Variants in MIOS observed in about 807,000 individuals in gnomAD.
The protein encoded by MIOS is meiosis regulator for oocyte development, also known as GATOR2 complex protein MIOS.
Under a neutral mutation model 96.9 loss-of-function variants are expected in MIOS, and 52 were observed. The observed-to-expected ratio is 0.54, with a 90% CI of 0.43 to 0.68. The LOEUF is 0.68. Ranked by LOEUF, MIOS falls within the 30% of genes least tolerant of loss-of-function variation. The pLI is 0.00. For synonymous variants in MIOS, 397 were observed against 359.5 expected (o/e 1.10, Z -1.18); for missense variants, 1,005 against 1,052.8 (o/e 0.95, Z 0.63).
intron 5 of MIOS, among the ~76,000 whole-genome samples, chr7:7,579,910 C>G (rs1783657627): frequency 6.6e-6 from 1 of 152,190 alleles, no homozygotes; most frequent in African/African-American, 2.4e-5. Context: ...TACTGTTAAT[C>G]AACTCATGAC....
At position 7,606,091 on chromosome 7, in the gene MIOS, T is replaced by A; in HGVS notation, c.2531+20T>A. The A allele has an allele frequency of 6.2e-7, 1 of 1,612,694 alleles. No homozygotes were observed. The highest frequency in any genetic ancestry group is 2.2e-5 in the East Asian group (1 of 44,818). ...GTTCAGGTAATCAGCACATTTCTTCTTTGATAGGCTTGGAGTTATGGGGGA... is the reference window on the plus strand; with the variant it reads ...GTTCAGGTAATCAGCACATTTCTTCATTGATAGGCTTGGAGTTATGGGGGA... On this transcript the variant is annotated intron_variant, in intron 12 of 12. Transcript: ENST00000340080.
chr7:7,572,323 T>C lies in MIOS; in HGVS notation c.-40-113T>C. 3 of 503,708 alleles carry C rather than the reference T, an allele frequency of 6.0e-6. No homozygotes were observed. Among genetic ancestry groups the C allele is most frequent in the Non-Finnish European group, 1.0e-5 (3 of 290,092 alleles). The allele number at this position is 503,708 out of a possible 1,614,324, so 31.2% of individuals were successfully genotyped here. On this transcript the variant is annotated intron_variant, in intron 3 of 12. Coordinates refer to ENST00000340080, the MANE Select transcript of MIOS (RefSeq NM_019005.4). The surrounding 1 kb of genome is among the most constrained non-coding windows in gnomAD (Gnocchi z 4.8). Reference sequence around the variant, plus strand: ...GATAGAGAGAAGAAATACAAATATATTGAAAAAGAGGGTTCTTGAATAGAG... The same window carrying C: ...GATAGAGAGAAGAAATACAAATATACTGAAAAAGAGGGTTCTTGAATAGAG...
chr7:7,582,503 A>G (rs1332574573), intron 5 of MIOS: 2 of 280,590 alleles, frequency 7.1e-6, no homozygotes, highest in African/African-American at 2.3e-5. Flanking sequence ...AGAATGAGAA[A>G]TGAAGTTTTC....
At chr7:7,575,845 C>T (rs1281293290) in intron 5 of MIOS, among the ~76,000 whole-genome samples, 1 of 151,528 alleles carries the variant, frequency 6.6e-6, no homozygotes, top group Non-Finnish European at 1.5e-5. Context: ...GAAAGATTTC[C>T]TCATTCATCA....
intron 11 of MIOS, among the ~76,000 whole-genome samples, chr7:7,601,494 C>G (rs1784377311): frequency 6.6e-6 from 1 of 152,120 alleles, no homozygotes; most frequent in Non-Finnish European, 1.5e-5. Flanking sequence ...AATTCCTGGA[C>G]ACATACACCC....
chr7:7,594,526 G>A (rs557256736), intron 9 of MIOS, among the ~76,000 whole-genome samples: 1 of 152,130 alleles, frequency 6.6e-6, no homozygotes, highest in South Asian at 2.1e-4. Context: ...AACTCCTGAC[G>A]TCAAGTGATC....
intron 11 of MIOS, chr7:7,605,297 A>AT (rs67440097): frequency 0.62 from 90,841 of 145,816 alleles, 28,687 homozygotes; most frequent in Admixed American, 0.72. Flanking sequence ...CCCTTGATAG[A>AT]TTTTTTTTTT....
In MIOS at chr7:7,573,808, T is replaced by A; in HGVS notation, c.1294+39T>A. ...TGTGAATTTTGTGAGGTGAATCAGGTAGAAATGTTCTTGAAGTTTGCCAAA... is the reference window on the plus strand; with the variant it reads ...TGTGAATTTTGTGAGGTGAATCAGGAAGAAATGTTCTTGAAGTTTGCCAAA... On this transcript the variant is annotated intron_variant, in intron 4 of 12. Transcript: ENST00000340080. The surrounding 1 kb of genome is among the most constrained non-coding windows in gnomAD (Gnocchi z 5.0). 6.6e-7 allele frequency: 1 copy of A among 1,522,878 alleles called. No homozygotes were observed. The highest frequency in any genetic ancestry group is 8.8e-7 in the Non-Finnish European group (1 of 1,135,266). The allele number at this position is 1,522,878 out of a possible 1,614,324, so 94.3% of individuals were successfully genotyped here.
Position 7,572,654 on chromosome 7 carries a change from C to G in MIOS, c.179C>G (p.Thr60Arg). ...ACATTACTGTCAATAAATTCAGATACACCCTATATGAAATGTGTTGCCTGG... is the reference window on the plus strand; with the variant it reads ...ACATTACTGTCAATAAATTCAGATAGACCCTATATGAAATGTGTTGCCTGG... Reference protein sequence around the residue: ...AATLLSINSDTPYMKCVAWYL... With the variant: ...AATLLSINSDRPYMKCVAWYL... The change falls in exon 4 of 13, where the codon ACA becomes AGA. Residue 60 changes from threonine (T) to arginine (R), a missense_variant. By Grantham distance (71) the Thr-to-Arg change is moderately conservative (BLOSUM62 -1). This residue lies in a region of MIOS where 137 missense variants were observed against 148.6 expected (regional missense o/e 0.92). Coordinates refer to ENST00000340080, the MANE Select transcript of MIOS (RefSeq NM_019005.4). This position sits in a 1 kb window ranked among gnomAD's most constrained non-coding sequence, Gnocchi z 4.8. 1 of 1,614,132 alleles carries G rather than the reference C, an allele frequency of 6.2e-7. No homozygotes were observed. The highest frequency in any genetic ancestry group is 1.1e-5 in the South Asian group (1 of 91,084).
intron 7 of MIOS, among the ~76,000 whole-genome samples, chr7:7,587,594 A>G (rs1783928852): frequency 6.6e-6 from 1 of 152,172 alleles, no homozygotes; most frequent in African/African-American, 2.4e-5. Flanking sequence ...GAGATGTAAA[A>G]TGGGACAGAA....
At chr7:7,577,967 AAATG>A (rs1353051128) in intron 5 of MIOS, among the ~76,000 whole-genome samples, 1 of 152,222 alleles carries the variant, frequency 6.6e-6, no homozygotes, top group Non-Finnish European at 1.5e-5. Flanking sequence ...ATAGAGATGA[AAATG>A]AAGACAGGAT....
rs530599535 is a variant in MIOS, at chr7:7,603,011, A to G, written c.2402-2931A>G. Among the ~76,000 whole-genome samples the G allele has an allele frequency of 2.6e-5, 4 of 151,550 alleles. No individual in the cohort carries two copies. In the East Asian group the frequency reaches 5.8e-4, roughly 22 times the overall value. ...ATAAATGGTGCTGGGAAAACTGGCT[A>G]GCCATATGTAGAAAGCTGAAACTGG... On this transcript the variant is annotated intron_variant, in intron 11 of 12. Coordinates refer to ENST00000340080, the MANE Select transcript of MIOS (RefSeq NM_019005.4).
intron 9 of MIOS, among the ~76,000 whole-genome samples, chr7:7,592,965 A>G (rs759545792): frequency 1.3e-5 from 2 of 152,080 alleles, no homozygotes; most frequent in South Asian, 2.1e-4. Flanking sequence ...CTATTTTCCC[A>G]AGCCCTTCTG....
chr7:7,578,242 C>T (rs1228545591), intron 5 of MIOS, among the ~76,000 whole-genome samples: 1 of 152,122 alleles, frequency 6.6e-6, no homozygotes, highest in East Asian at 1.9e-4. Flanking sequence ...AGAATGCATG[C>T]TCTGAGGGAA....
At chr7:7,577,380 G>T (rs1783570602) in intron 5 of MIOS, among the ~76,000 whole-genome samples, 2 of 152,172 alleles carry the variant, frequency 1.3e-5, no homozygotes, top group Non-Finnish European at 2.9e-5. Context: ...TTCAGAGTGG[G>T]TTGAGGAAAT....
In MIOS at chr7:7,573,807, G is replaced by A. The variant is rs766257301; in HGVS notation, c.1294+38G>A. 1.3e-6 allele frequency: 2 copies of A among 1,523,340 alleles called. No homozygotes were observed. Among genetic ancestry groups the A allele is most frequent in the South Asian group, 1.3e-5 (1 of 76,110 alleles). 94.4% of individuals were successfully genotyped at this position (1,523,340 alleles called of 1,614,324 possible). ...TTGTGAATTTTGTGAGGTGAATCAG[G>A]TAGAAATGTTCTTGAAGTTTGCCAA... is the stretch of plus-strand genomic sequence containing the variant. On this transcript the variant is annotated intron_variant, in intron 4 of 12. Coordinates refer to ENST00000340080, the MANE Select transcript of MIOS (RefSeq NM_019005.4). This position sits in a 1 kb window ranked among gnomAD's most constrained non-coding sequence, Gnocchi z 5.0.
intron 7 of MIOS, among the ~76,000 whole-genome samples, chr7:7,587,791 G>A (rs966432700): frequency 3.3e-5 from 5 of 152,056 alleles, no homozygotes. Context: ...ATTTTCATAG[G>A]ATGACTTCAG....
chr7:7,582,510 T>C, intron 5 of MIOS: 1 of 330,410 alleles, frequency 3.0e-6, no homozygotes, highest in Non-Finnish European at 4.3e-6. Flanking sequence ...GAAATGAAGT[T>C]TTCTGATTTA....
chr7:7,600,368 G>A (rs999785994), intron 11 of MIOS, among the ~76,000 whole-genome samples: 3 of 152,064 alleles, frequency 2.0e-5, no homozygotes, highest in Non-Finnish European at 4.4e-5. Context: ...ATAAAGGGAT[G>A]GAGGAAGATC....
Sources: allele counts gnomAD v4.1 joint callset (sites outside exome capture counted in the v4.1 genomes callset), GRCh38; gene constraint gnomAD v4.1.1; regional missense constraint gnomAD v4.1.1; non-coding constraint Gnocchi (gnomAD v3.1); transcripts MANE v1.5; gene names NCBI Gene and HGNC (gene_info 2026-07-23, HGNC 2026-07-21).